Variants in KLHL29 observed in about 807,000 individuals in gnomAD.
KLHL29 encodes the protein kelch-like protein 29.
A neutral mutation model predicts 80.4 loss-of-function variants in KLHL29; 21 were observed. That is an observed-to-expected ratio of 0.26 (90% confidence interval 0.19 to 0.38). The LOEUF (loss-of-function observed/expected upper bound fraction) is 0.38. KLHL29 is among the 10% of genes least tolerant of loss of function. KLHL29 has a pLI of 1.00. For synonymous variants in KLHL29, 511 were observed against 526.8 expected (o/e 0.97, Z 0.41); for missense variants, 867 against 1,223.9 (o/e 0.71, Z 4.35).
chr2:23,641,800 A>G (rs1269285400), intron 4 of KLHL29, among the ~76,000 whole-genome samples: 1 of 152,174 alleles, frequency 6.6e-6, no homozygotes, highest in East Asian at 1.9e-4. Flanking sequence ...CCTGGCCAAC[A>G]TGGAGAAACC....
chr2:23,645,240 C>T (rs1669887950), intron 5 of KLHL29, among the ~76,000 whole-genome samples: 1 of 152,092 alleles, frequency 6.6e-6, no homozygotes, highest in South Asian at 2.1e-4. Context: ...ATAAGAAACC[C>T]GAATTTTGAA....
At chr2:23,387,089 C>T (rs1268467482) in intron 1 of KLHL29, among the ~76,000 whole-genome samples, 1 of 152,190 alleles carries the variant, frequency 6.6e-6, no homozygotes, top group Non-Finnish European at 1.5e-5. Context: ...TCTCCTCCCT[C>T]CCTCCCGTGC....
rs183399699 is a variant in KLHL29, at chr2:23,570,305, G to C, written c.285+7824G>C. On this transcript the variant is annotated intron_variant, in intron 3 of 13. Coordinates refer to ENST00000486442, the MANE Select transcript of KLHL29 (RefSeq NM_052920.2). ...TGGGTGAATACTTTGTACCCTTCTG[G>C]CACTGTGAAAAGGAGTCCCGGGAGC... Among the ~76,000 whole-genome samples, 13 of 152,246 alleles carry C rather than the reference G, an allele frequency of 8.5e-5. No homozygotes were observed. In the East Asian group the frequency reaches 2.5e-3, roughly 29 times the overall value.
At chr2:23,541,981 G>A (rs1356675296) in intron 2 of KLHL29, among the ~76,000 whole-genome samples, 3 of 152,132 alleles carry the variant, frequency 2.0e-5, no homozygotes, top group Non-Finnish European at 2.9e-5. Context: ...TTAATCCTGG[G>A]AAGTAATTAG....
At chr2:23,492,694 C>T (rs1665139239) in intron 2 of KLHL29, among the ~76,000 whole-genome samples, 1 of 152,162 alleles carries the variant, frequency 6.6e-6, no homozygotes, top group African/African-American at 2.4e-5. Flanking sequence ...TTTTCTGAGG[C>T]TCTGTGCAAA....
At chr2:23,391,467 G>T (rs575992686) in intron 1 of KLHL29, among the ~76,000 whole-genome samples, 1 of 152,184 alleles carries the variant, frequency 6.6e-6, no homozygotes, top group South Asian at 2.1e-4. Flanking sequence ...TGATCTTGTT[G>T]CCCAGGCTGG....
chr2:23,559,919 G>A (rs565323880), intron 2 of KLHL29, among the ~76,000 whole-genome samples: 3 of 152,300 alleles, frequency 2.0e-5, no homozygotes, highest in African/African-American at 4.8e-5. Context: ...AGGAGCAGCC[G>A]AGAGGGAGGC....
chr2:23,566,844 A>G (rs1211277873), intron 3 of KLHL29, among the ~76,000 whole-genome samples: 4 of 152,246 alleles, frequency 2.6e-5, no homozygotes, highest in African/African-American at 9.6e-5. Flanking sequence ...GCACTCGATA[A>G]AAGTTAATTT....
chr2:23,546,357 A>C (rs1666979668), intron 2 of KLHL29, among the ~76,000 whole-genome samples: 1 of 152,220 alleles, frequency 6.6e-6, no homozygotes, highest in Non-Finnish European at 1.5e-5. Context: ...GGGATGAGGC[A>C]GCAGAGTGAC....
chr2:23,677,311 A>G (rs960490790), intron 5 of KLHL29, among the ~76,000 whole-genome samples: 2 of 152,196 alleles, frequency 1.3e-5, no homozygotes, highest in Non-Finnish European at 2.9e-5. Flanking sequence ...ACAGCAGGCT[A>G]GTGGGTGAGG....
intron 13 of KLHL29, among the ~76,000 whole-genome samples, chr2:23,705,156 G>A (rs762916340): frequency 2.0e-5 from 3 of 152,236 alleles, no homozygotes; most frequent in Non-Finnish European, 2.9e-5. Context: ...GGAGCATTGC[G>A]CTCCACTTGG....
At chr2:23,624,972 G>T (rs1669273592) in intron 3 of KLHL29, among the ~76,000 whole-genome samples, 1 of 152,224 alleles carries the variant, frequency 6.6e-6, no homozygotes, top group Admixed American at 6.5e-5. Flanking sequence ...TATGACTTGT[G>T]CAAGGTCACA....
rs556356586 is a variant in KLHL29, at chr2:23,531,921, A to G, written c.-45-30231A>G. Among the ~76,000 whole-genome samples the G allele has an allele frequency of 4.6e-5, 7 of 152,308 alleles. No homozygotes were observed. The South Asian group carries it at 8.3e-4, about 18-fold the overall frequency. ...CTCACCCTCTTTGACACCTGGGACC[A>G]TAGAGATGTGAACCTGAAAGAACCA... On this transcript the variant is annotated intron_variant, in intron 2 of 13. Transcript: ENST00000486442.
At chr2:23,428,155 ATC>A (rs1374148575) in intron 1 of KLHL29, among the ~76,000 whole-genome samples, 1 of 152,238 alleles carries the variant, frequency 6.6e-6, no homozygotes, top group Non-Finnish European at 1.5e-5. Context: ...GACAGCTGCC[ATC>A]CAGAGAGAAC....
chr2:23,585,504 G>A (rs1426742526), intron 3 of KLHL29, among the ~76,000 whole-genome samples: 1 of 152,200 alleles, frequency 6.6e-6, no homozygotes, highest in Non-Finnish European at 1.5e-5. Flanking sequence ...CATTTGCACA[G>A]TCACGAGAAG....
intron 1 of KLHL29, among the ~76,000 whole-genome samples, chr2:23,442,737 G>A (rs978010492): frequency 1.4e-4 from 22 of 152,142 alleles, no homozygotes; most frequent in African/African-American, 4.6e-4. Flanking sequence ...AAATGCACAT[G>A]TACAACCCCA....
At chr2:23,497,058 A>AG (rs1026313055) in intron 2 of KLHL29, among the ~76,000 whole-genome samples, 1 of 138,320 alleles carries the variant, frequency 7.2e-6, no homozygotes, top group African/African-American at 2.7e-5. Context: ...CTCCTAGGGT[A>AG]GGAAAAAAAA....
At chr2:23,607,653 C>T (rs968483111) in intron 3 of KLHL29, among the ~76,000 whole-genome samples, 1 of 152,178 alleles carries the variant, frequency 6.6e-6, no homozygotes. Context: ...AGCATGACCA[C>T]CTGAGCTCCA....
At chr2:23,565,596 T>A (rs1413317021) in intron 3 of KLHL29, among the ~76,000 whole-genome samples, 1 of 151,896 alleles carries the variant, frequency 6.6e-6, no homozygotes, top group Non-Finnish European at 1.5e-5. Context: ...TTTAAAGCTT[T>A]TTTCAGCTGT....
Sources: allele counts gnomAD v4.1 joint callset (sites outside exome capture counted in the v4.1 genomes callset), GRCh38; gene constraint gnomAD v4.1.1; transcripts MANE v1.5; gene names NCBI Gene and HGNC (gene_info 2026-07-23, HGNC 2026-07-21).